The following CEP112 variants were observed in gnomAD, a reference collection of about 807,000 sequenced individuals.
CEP112 encodes the protein centrosomal protein 112, also known as centrosomal protein of 112 kDa.
In CEP112, 127 loss-of-function variants were observed where a neutral mutation model predicts 153.0. That is an observed-to-expected ratio of 0.83 (90% CI 0.72 to 0.96). The LOEUF (loss-of-function observed/expected upper bound fraction) is 0.96, where lower values mean the gene tolerates loss of function less well. Ranked by LOEUF, CEP112 falls within the 40% of genes least tolerant of loss-of-function variation. The pLI is 0.00. For synonymous variants in CEP112, 358 were observed against 374.4 expected (o/e 0.96, Z 0.51); for missense variants, 1,089 against 1,101.2 (o/e 0.99, Z 0.16).
At chr17:65,926,496 T>C (rs760872636) in intron 19 of CEP112, among the ~76,000 whole-genome samples, 3 of 152,158 alleles carry the variant, frequency 2.0e-5, no homozygotes, top group Non-Finnish European at 2.9e-5. Context: ...GCAGATCACC[T>C]GAAATCAGGA....
chr17:65,656,281 G>A (rs1289938127), intron 24 of CEP112, among the ~76,000 whole-genome samples: 4 of 152,176 alleles, frequency 2.6e-5, no homozygotes, highest in Admixed American at 2.6e-4. Context: ...AGTGAACTGA[G>A]GGTTTTGGCA....
At chr17:66,119,869 C>T (rs990940900) in intron 6 of CEP112, among the ~76,000 whole-genome samples, 4 of 152,194 alleles carry the variant, frequency 2.6e-5, no homozygotes, top group Non-Finnish European at 4.4e-5. Flanking sequence ...AGTTGCTCCT[C>T]ATCCTCACCA....
intron 12 of CEP112, among the ~76,000 whole-genome samples, chr17:66,051,146 A>T (rs1233937129): frequency 4.1e-5 from 6 of 145,386 alleles, no homozygotes; most frequent in African/African-American, 1.0e-4. Flanking sequence ...GGCCTAGCTA[A>T]TTTTTTTTTT....
intron 23 of CEP112, among the ~76,000 whole-genome samples, chr17:65,730,103 C>T (rs2050418448): frequency 6.6e-6 from 1 of 152,296 alleles, no homozygotes; most frequent in South Asian, 2.1e-4. Flanking sequence ...TTAATTGATT[C>T]CTTAACGTAC....
intron 23 of CEP112, among the ~76,000 whole-genome samples, chr17:65,707,762 A>C: frequency 6.6e-6 from 1 of 152,232 alleles, no homozygotes. Context: ...GTGTTTTACA[A>C]AGAAAAACTC....
chr17:65,832,338 C>T (rs1010935946), intron 21 of CEP112, among the ~76,000 whole-genome samples: 3 of 149,476 alleles, frequency 2.0e-5, no homozygotes, highest in African/African-American at 7.4e-5. Context: ...AAGAAATAAC[C>T]AAAACGAGAG....
chr17:65,770,289 A>G (rs1219186723), intron 21 of CEP112, among the ~76,000 whole-genome samples: 1 of 152,030 alleles, frequency 6.6e-6, no homozygotes, highest in East Asian at 1.9e-4. Flanking sequence ...ACAGGAATCA[A>G]TGAAGATTTC....
At chr17:65,773,291 T>C (rs948500927) in intron 21 of CEP112, among the ~76,000 whole-genome samples, 8 of 152,236 alleles carry the variant, frequency 5.3e-5, no homozygotes, top group African/African-American at 1.7e-4. Flanking sequence ...GTTTCCTTAT[T>C]AGTTCAAGAA....
chr17:65,969,823 T>C (rs916339148), intron 17 of CEP112, among the ~76,000 whole-genome samples: 1 of 126,502 alleles, frequency 7.9e-6, no homozygotes, highest in Admixed American at 9.9e-5. Context: ...CCTGCATACA[T>C]ATTACAAGCA....
intron 18 of CEP112, among the ~76,000 whole-genome samples, chr17:65,931,961 G>A (rs1230438194): frequency 6.6e-6 from 1 of 152,200 alleles, no homozygotes; most frequent in Admixed American, 6.5e-5. Flanking sequence ...CAGCATTGGA[G>A]TCTGACCTTC....
chr17:65,709,081 C>G (rs1287928114), intron 23 of CEP112, among the ~76,000 whole-genome samples: 2 of 152,152 alleles, frequency 1.3e-5, no homozygotes, highest in Non-Finnish European at 2.9e-5. Context: ...ATGAATACTC[C>G]TCTTCACTCT....
At chr17:66,132,192 A>G (rs1318521555) in intron 5 of CEP112, among the ~76,000 whole-genome samples, 3 of 148,298 alleles carry the variant, frequency 2.0e-5, no homozygotes, top group Non-Finnish European at 4.5e-5. Flanking sequence ...AAAAAAAAAA[A>G]AAAAAAAAAA....
intron 21 of CEP112, among the ~76,000 whole-genome samples, chr17:65,819,451 C>G (rs2056426887): frequency 6.6e-6 from 1 of 151,934 alleles, no homozygotes; most frequent in Non-Finnish European, 1.5e-5. Flanking sequence ...GTAAGATTCA[C>G]CAATGGTTCA....
intron 17 of CEP112, among the ~76,000 whole-genome samples, chr17:65,971,698 C>T (rs1221487920): frequency 6.6e-6 from 1 of 152,040 alleles, no homozygotes; most frequent in African/African-American, 2.4e-5. Flanking sequence ...GTGTATATTA[C>T]ATGCATATTA....
chr17:66,008,865 G>GTA (rs148382482), intron 16 of CEP112, among the ~76,000 whole-genome samples: 60,494 of 151,514 alleles, frequency 0.4, 13,423 homozygotes, highest in East Asian at 0.86. Flanking sequence ...GTATTCCACT[G>GTA]TATATATACA....
chr17:66,138,511 A>C (rs991616573), intron 4 of CEP112, among the ~76,000 whole-genome samples: 2 of 152,240 alleles, frequency 1.3e-5, no homozygotes, highest in African/African-American at 4.8e-5. Context: ...TTCATACCAC[A>C]AAATAATTTG....
chr17:65,834,197 A>G lies in CEP112; in HGVS notation c.2394+17607T>C, dbSNP rs1017542712. ...CTTCCTTAAAATAAAAAGAAAAATC[A>G]ACTCAAGAATAATTAAAGACTTAAA... On this transcript the variant is annotated intron_variant, in intron 21 of 26. Coordinates refer to ENST00000535342, the MANE Select transcript of CEP112 (RefSeq NM_001199165.4). Among the ~76,000 whole-genome samples the G allele has an allele frequency of 1.4e-4, 22 of 152,178 alleles. 1 individual carries two copies.
intron 10 of CEP112, 29 bp downstream of exon 10, chr17:66,066,748 TA>T: frequency 7.4e-7 from 1 of 1,347,624 alleles, no homozygotes. Context: ...GAAATGTTAT[TA>T]AAAGATGTAT....
intron 21 of CEP112, among the ~76,000 whole-genome samples, chr17:65,777,126 G>A (rs1018742750): frequency 3.9e-5 from 6 of 152,144 alleles, no homozygotes; most frequent in Admixed American, 1.3e-4. Context: ...GGCACTGTGT[G>A]GCAGCTTCTG....
Sources: gnomAD v4.1 joint callset for allele counts (sites outside exome capture counted in the v4.1 genomes callset) on GRCh38, gnomAD v4.1.1 for gene constraint, MANE v1.5 for transcripts, NCBI Gene and HGNC (gene_info 2026-07-23, HGNC 2026-07-21) for gene names.